The following SHROOM4 variants were observed in gnomAD, a reference collection of about 807,000 sequenced individuals.
SHROOM4 encodes shroom family member 4.
Under a neutral mutation model 80.3 loss-of-function variants are expected in SHROOM4, and 17 were observed. That is an observed-to-expected ratio of 0.21 (90% CI 0.14 to 0.32). The LOEUF (loss-of-function observed/expected upper bound fraction) is 0.32, where lower values mean the gene tolerates loss of function less well. Among genes scored for constraint, SHROOM4 ranks in the 10% least tolerant of loss-of-function variants. The pLI is 1.00. For missense variants in SHROOM4, 993 were observed against 1,140.3 expected, an observed-to-expected ratio of 0.87 and a Z score of 1.86; for synonymous variants, 400 against 437.5, an observed-to-expected ratio of 0.91 and a Z score of 1.07.
At chrX:50,609,189 G>C (rs1366334678) in intron 5 of SHROOM4, among the ~76,000 whole-genome samples, 1 of 110,197 alleles carries the variant, frequency 9.1e-6, no homozygotes, top group African/African-American at 3.3e-5. Flanking sequence ...TTGAGACTGG[G>C]AGGTCGAGGC....
intron 2 of SHROOM4, among the ~76,000 whole-genome samples, chrX:50,671,316 G>A (rs1181573535): frequency 1.5e-4 from 17 of 111,865 alleles, no homozygotes; most frequent in Admixed American, 1.4e-3. Flanking sequence ...CCCCTAACAA[G>A]AGAGTCAGCC....
chrX:50,763,471 G>A (rs1935204506), intron 1 of SHROOM4, among the ~76,000 whole-genome samples: 1 of 111,210 alleles, frequency 9.0e-6, no homozygotes, highest in African/African-American at 3.3e-5. Context: ...TGAGAACTGG[G>A]CATTTTAGAT....
In SHROOM4 at chrX:50,595,825, A is replaced by G; in HGVS notation, c.*870T>C. Reference sequence around the variant, plus strand: ...AAAAAATAATCAAAACATAAAAATAAATAAAATCAAAAGGCCATTTAAAAT... The same window carrying G: ...AAAAAATAATCAAAACATAAAAATAGATAAAATCAAAAGGCCATTTAAAAT... On this transcript the variant is annotated 3_prime_UTR_variant, in exon 9 of 9. Coordinates refer to ENST00000376020, the MANE Select transcript of SHROOM4 (RefSeq NM_020717.5). The G allele has an allele frequency of 9.5e-6, 3 of 315,628 alleles. No individual in the cohort carries two copies. Among genetic ancestry groups the G allele is most frequent in the Non-Finnish European group, 1.2e-5 (2 of 166,649 alleles). 26.0% of individuals were successfully genotyped at this position (315,628 alleles called of 1,213,427 possible).
chrX:50,755,379 T>C (rs2147612452), intron 1 of SHROOM4, among the ~76,000 whole-genome samples: 1 of 112,026 alleles, frequency 8.9e-6, no homozygotes, highest in Non-Finnish European at 1.9e-5. Flanking sequence ...GGGACAAAGA[T>C]AAGGCAATTA....
intron 2 of SHROOM4, among the ~76,000 whole-genome samples, chrX:50,667,019 G>A (rs1426776324): frequency 1.8e-5 from 2 of 111,689 alleles, no homozygotes; most frequent in Non-Finnish European, 3.8e-5. Flanking sequence ...GCTGAACAAG[G>A]GTGCCAGAAC....
chrX:50,605,147 C>T lies in SHROOM4; in HGVS notation c.3761+2234G>A, dbSNP rs1006435486. Among the ~76,000 whole-genome samples, 3 of 111,695 alleles carry T rather than the reference C, an allele frequency of 2.7e-5. 1 individual carries two copies. Among genetic ancestry groups the T allele is most frequent in the African/African-American group, 6.5e-5 (2 of 30,742 alleles). On this transcript the variant is annotated intron_variant, in intron 6 of 8. Coordinates refer to ENST00000376020, the MANE Select transcript of SHROOM4 (RefSeq NM_020717.5). The stretch of plus-strand genomic sequence containing the variant: ...GAATCTTCTTCAAGAGCCCAGAGAT[C>T]GTGGGATGATATAGCAAGCATAGTG...
At position 50,596,667 on chromosome X, in the gene SHROOM4, G is replaced by A; in HGVS notation, c.*28C>T. On this transcript the variant is annotated 3_prime_UTR_variant, in exon 9 of 9. Transcript: ENST00000376020. ...AAAGCACTTCCCACATGGCTGGGCA[G>A]GGATGCTGTGGCAGAGTGCTGGTAG... The A allele has an allele frequency of 8.3e-7, 1 of 1,206,189 alleles. No individual in the cohort carries two copies. Among genetic ancestry groups the A allele is most frequent in the Non-Finnish European group, 1.1e-6 (1 of 894,921 alleles).
At chrX:50,652,253 T>A (rs1932121234) in intron 2 of SHROOM4, among the ~76,000 whole-genome samples, 3 of 112,330 alleles carry the variant, frequency 2.7e-5, no homozygotes, top group African/African-American at 9.7e-5. Flanking sequence ...TGTTGTTTCC[T>A]GACTTTTTAA....
intron 3 of SHROOM4, 105 bp from the exon 4 acceptor site, chrX:50,635,773 GGTAGGC>G: frequency 1.4e-6 from 1 of 691,585 alleles, no homozygotes; most frequent in Admixed American, 3.1e-5. Flanking sequence ...AAGAGAGGAG[GGTAGGC>G]AAAAAAAAAA....
chrX:50,593,015 T>G lies in SHROOM4; in HGVS notation c.*3680A>C. 1 of 111,684 alleles carries G rather than the reference T, an allele frequency of 9.0e-6. No individual in the cohort carries two copies. The highest frequency in any genetic ancestry group is 9.5e-5 in the Admixed American group (1 of 10,500). 9.2% of individuals were successfully genotyped at this position (111,684 alleles called of 1,213,427 possible). On this transcript the variant is annotated 3_prime_UTR_variant, in exon 9 of 9. Coordinates refer to ENST00000376020, the MANE Select transcript of SHROOM4 (RefSeq NM_020717.5). ...AGAAAAATACCATGCTTCAATACTG[T>G]GATAACAACAGAAATAACCAATGGC...
intron 2 of SHROOM4, among the ~76,000 whole-genome samples, chrX:50,663,209 CAACAAAAACCA>C (rs1228156436): frequency 9.0e-6 from 1 of 111,671 alleles, no homozygotes; most frequent in African/African-American, 3.3e-5. Flanking sequence ...AAACTAAAAA[CAACAAAAACCA>C]AACAAAAATT....
intron 2 of SHROOM4, among the ~76,000 whole-genome samples, chrX:50,665,161 G>A (rs1557260248): frequency 9.0e-6 from 1 of 110,698 alleles, no homozygotes. Flanking sequence ...CCCAACAGAT[G>A]GCTACTAATG....
intron 1 of SHROOM4, among the ~76,000 whole-genome samples, chrX:50,745,092 C>T (rs1934746592): frequency 8.9e-6 from 1 of 111,746 alleles, no homozygotes; most frequent in African/African-American, 3.3e-5. Flanking sequence ...AGCTCCCACA[C>T]AGGTTTAGCC....
intron 1 of SHROOM4, among the ~76,000 whole-genome samples, chrX:50,716,207 G>A (rs1485661732): frequency 9.4e-6 from 1 of 106,029 alleles, no homozygotes; most frequent in Non-Finnish European, 1.9e-5. Context: ...AGATAAGTAG[G>A]GGGAAGGGGG....
At chrX:50,716,571 C>G (rs1395480015) in intron 1 of SHROOM4, among the ~76,000 whole-genome samples, 1 of 111,831 alleles carries the variant, frequency 8.9e-6, no homozygotes. Flanking sequence ...ATGACCCCTA[C>G]CAGCAGCCTG....
chrX:50,697,011 G>A (rs1220154840), intron 1 of SHROOM4, among the ~76,000 whole-genome samples: 1 of 111,840 alleles, frequency 8.9e-6, no homozygotes, highest in Non-Finnish European at 1.9e-5. Flanking sequence ...CATGAAAGGA[G>A]TCATCTCATC....
chrX:50,651,289 A>AGTTGGCACCCTGTATGCCATAT (rs1932044209), intron 2 of SHROOM4, among the ~76,000 whole-genome samples: 1 of 112,264 alleles, frequency 8.9e-6, no homozygotes, highest in Non-Finnish European at 1.9e-5. Flanking sequence ...CAACATTTAC[A>AGTTGGCACCCTGTATGCCATAT]GTTCATAAAG....
At chrX:50,583,233 G>T (rs1276316634), downstream of SHROOM4, among the ~76,000 whole-genome samples, 1 of 110,598 alleles carries the variant, frequency 9.0e-6, no homozygotes, top group Non-Finnish European at 1.9e-5. Context: ...TTGGTAGACT[G>T]TATTATTTGT....
At chrX:50,612,026 AG>A in intron 5 of SHROOM4, among the ~76,000 whole-genome samples, 1 of 111,866 alleles carries the variant, frequency 8.9e-6, no homozygotes, top group Non-Finnish European at 1.9e-5. Context: ...AAAGAAGAAA[AG>A]AATCATAAAA....
Sources: gnomAD v4.1 joint callset for allele counts (sites outside exome capture counted in the v4.1 genomes callset) on GRCh38, gnomAD v4.1.1 for gene constraint, MANE v1.5 for transcripts, NCBI Gene and HGNC (gene_info 2026-07-23, HGNC 2026-07-21) for gene names.